Variants in SLC26A5 observed in about 807,000 individuals in gnomAD.
SLC26A5 encodes prestin.
SLC26A5 carries 51 observed loss-of-function variants against 81.0 expected under a neutral mutation model. The ratio of observed to expected loss-of-function variants is 0.63; its 90% CI spans 0.50 to 0.80. The LOEUF is 0.80. Among genes scored for constraint, SLC26A5 ranks in the 30% least tolerant of loss-of-function variants. The probability of loss-of-function intolerance (pLI) is 0.00; values close to 1 mark genes in which losing one functional copy is unlikely to be tolerated. For missense variants in SLC26A5, 771 were observed against 905.8 expected, an observed-to-expected ratio of 0.85 and a Z score of 1.91; for synonymous variants, 325 against 332.8, an observed-to-expected ratio of 0.98 and a Z score of 0.25.
chr7:103,441,103 A>G (rs1826842976), intron 2 of SLC26A5, among the ~76,000 whole-genome samples: 2 of 152,208 alleles, frequency 1.3e-5, no homozygotes, highest in African/African-American at 4.8e-5. Flanking sequence ...TATAGCAGAG[A>G]TAAGACTAAT....
intron 19 of SLC26A5, among the ~76,000 whole-genome samples, chr7:103,364,942 T>TA (rs1820613550): frequency 7.9e-6 from 1 of 126,602 alleles, no homozygotes; most frequent in African/African-American, 2.9e-5. Flanking sequence ...AGGTTGTTTT[T>TA]ATGTTTGTAG....
At chr7:103,354,823 G>T in intron 19 of SLC26A5, 1 of 1,214,258 alleles carries the variant, frequency 8.2e-7, no homozygotes. Context: ...TTTAATAAAT[G>T]GTTGATATCC....
intron 19 of SLC26A5, among the ~76,000 whole-genome samples, chr7:103,358,805 A>G (rs1007033633): frequency 6.6e-6 from 1 of 152,048 alleles, no homozygotes; most frequent in Non-Finnish European, 1.5e-5. Context: ...AGTTAGAGGG[A>G]AACTTTTCAT....
At chr7:103,410,027 G>C (rs768593143) in intron 7 of SLC26A5, among the ~76,000 whole-genome samples, 8 of 152,116 alleles carry the variant, frequency 5.3e-5, no homozygotes, top group Non-Finnish European at 8.8e-5. Flanking sequence ...GTTTTTGAGA[G>C]AGAAATGTTC....
At chr7:103,399,958 T>G (rs1310501438) in intron 8 of SLC26A5, among the ~76,000 whole-genome samples, 1 of 152,162 alleles carries the variant, frequency 6.6e-6, no homozygotes, top group African/African-American at 2.4e-5. Flanking sequence ...ATTTTCTTTA[T>G]CCAGTCTATC....
rs775683191 is a variant in SLC26A5, at chr7:103,367,835, T to A, written c.2041+8973A>T. 1 of 1,612,304 alleles carries A rather than the reference T, an allele frequency of 6.2e-7. No homozygotes were observed. Among genetic ancestry groups the A allele is most frequent in the East Asian group, 2.2e-5 (1 of 44,876 alleles). On this transcript the variant is annotated intron_variant, in intron 19 of 19. Transcript: ENST00000339444. This position sits in a 1 kb window ranked among gnomAD's most constrained non-coding sequence, Gnocchi z 6.1. ...GTAAGTAGAAAGTTCTTGCTTATAT[T>A]TGCTGGTCTGTCTGCTCAGGCTGCT...
At chr7:103,355,802 G>A in intron 19 of SLC26A5, 2 of 1,595,138 alleles carry the variant, frequency 1.3e-6, no homozygotes, top group Non-Finnish European at 1.7e-6. Flanking sequence ...AGGTATGCAC[G>A]GGTGCTCTGT....
chr7:103,386,522 C>T (rs1822208974), intron 14 of SLC26A5, among the ~76,000 whole-genome samples: 1 of 151,874 alleles, frequency 6.6e-6, no homozygotes, highest in Admixed American at 6.6e-5. Context: ...GAGATCATGC[C>T]ACTGCACTCC....
intron 2 of SLC26A5, among the ~76,000 whole-genome samples, chr7:103,432,233 G>A (rs1449081441): frequency 6.6e-6 from 1 of 152,066 alleles, no homozygotes; most frequent in African/African-American, 2.4e-5. Flanking sequence ...TAACATTTAA[G>A]TCTCCTTACT....
intron 7 of SLC26A5, among the ~76,000 whole-genome samples, chr7:103,408,280 G>C (rs1266476600): frequency 6.6e-6 from 1 of 152,126 alleles, no homozygotes; most frequent in East Asian, 1.9e-4. Flanking sequence ...AGGCTGCAGT[G>C]CAGTGGCATG....
chr7:103,439,286 GAC>G (rs1198412073), intron 2 of SLC26A5, among the ~76,000 whole-genome samples: 1 of 152,130 alleles, frequency 6.6e-6, no homozygotes, highest in East Asian at 1.9e-4. Context: ...AAACTGGGGG[GAC>G]TATCCAGGAG....
intron 14 of SLC26A5, among the ~76,000 whole-genome samples, chr7:103,384,667 C>A (rs1007824558): frequency 3.9e-5 from 6 of 152,142 alleles, no homozygotes; most frequent in African/African-American, 1.2e-4. Flanking sequence ...AAACTCACAT[C>A]TGAGTCATTG....
intron 8 of SLC26A5, among the ~76,000 whole-genome samples, chr7:103,406,587 G>A (rs964947646): frequency 6.6e-6 from 1 of 152,048 alleles, no homozygotes; most frequent in Non-Finnish European, 1.5e-5. Flanking sequence ...CTTCTGTGTT[G>A]ATCTCGAAGG....
At chr7:103,417,088 T>C (rs1824965763) in intron 4 of SLC26A5, among the ~76,000 whole-genome samples, 1 of 152,096 alleles carries the variant, frequency 6.6e-6, no homozygotes, top group African/African-American at 2.4e-5. Context: ...AATTTCTTCC[T>C]AGGCTGGGCA....
rs1338424360 is a variant in SLC26A5 at position 103,367,081 on chromosome 7, A to C, written c.2041+9727T>G. Among the ~76,000 whole-genome samples, 1 of 152,206 alleles carries C rather than the reference A, an allele frequency of 6.6e-6. No homozygotes were observed. The highest frequency in any genetic ancestry group is 1.5e-5 in the Non-Finnish European group (1 of 68,028). The stretch of plus-strand genomic sequence containing the variant: ...CTCTGAGCCTCAGTTTGCTCATCTT[A>C]TAAAGGGAATAATTGTTGTCTTGTG... On this transcript the variant is annotated intron_variant, in intron 19 of 19. Coordinates refer to the SLC26A5 transcript ENST00000339444. This position sits in a 1 kb window ranked among gnomAD's most constrained non-coding sequence, Gnocchi z 6.1.
intron 9 of SLC26A5, among the ~76,000 whole-genome samples, chr7:103,395,682 G>T (rs753098828): frequency 6.6e-6 from 1 of 151,114 alleles, no homozygotes; most frequent in East Asian, 1.9e-4. Flanking sequence ...CACCATGCCC[G>T]GCTAATTTTT....
chr7:103,408,336 C>G (rs1824220976), intron 7 of SLC26A5, among the ~76,000 whole-genome samples: 1 of 152,160 alleles, frequency 6.6e-6, no homozygotes, highest in South Asian at 2.1e-4. Context: ...AAGCAATTCT[C>G]CTGCCTCAGC....
intron 14 of SLC26A5, among the ~76,000 whole-genome samples, chr7:103,385,702 CTTT>C (rs1179157860): frequency 1.4e-4 from 17 of 122,658 alleles, no homozygotes; most frequent in Admixed American, 2.3e-4. Context: ...CTTTTCTTTT[CTTT>C]TTTTTTTTTT....
intron 19 of SLC26A5, among the ~76,000 whole-genome samples, chr7:103,356,078 G>GT (rs1563486497): frequency 6.6e-6 from 1 of 151,720 alleles, no homozygotes; most frequent in Non-Finnish European, 1.5e-5. Context: ...TTCCTCAAAC[G>GT]TAACTACTGA....
Sources: gnomAD v4.1 joint callset for allele counts (sites outside exome capture counted in the v4.1 genomes callset) on GRCh38, gnomAD v4.1.1 for gene constraint, Gnocchi (gnomAD v3.1) non-coding constraint, MANE v1.5 for transcripts, NCBI Gene and HGNC (gene_info 2026-07-23, HGNC 2026-07-21) for gene names.